The following CTNNA3 variants were observed in gnomAD, a reference collection of about 807,000 sequenced individuals.
CTNNA3 encodes catenin alpha-3.
A neutral mutation model predicts 95.7 loss-of-function variants in CTNNA3; 76 were observed. That is an observed-to-expected ratio of 0.79 (90% confidence interval 0.66 to 0.96). The LOEUF is 0.96. Ranked by LOEUF, CTNNA3 falls within the 40% of genes least tolerant of loss-of-function variation. The probability of loss-of-function intolerance (pLI) is 0.00; values close to 1 mark genes in which losing one functional copy is unlikely to be tolerated. For synonymous variants in CTNNA3, 431 were observed against 374.4 expected, an observed-to-expected ratio of 1.15 and a Z score of -1.74; for missense variants, 1,191 against 1,089.8, an observed-to-expected ratio of 1.09 and a Z score of -1.31.
chr10:67,036,604 C>T (rs1854078143), intron 7 of CTNNA3, among the ~76,000 whole-genome samples: 1 of 152,112 alleles, frequency 6.6e-6, no homozygotes, highest in African/African-American at 2.4e-5. Context: ...ATCTTAAGCT[C>T]AAGTGATCAT....
chr10:66,449,541 A>AT (rs2093448438), intron 11 of CTNNA3, among the ~76,000 whole-genome samples: 1 of 152,162 alleles, frequency 6.6e-6, no homozygotes. Context: ...AGCTTCATAA[A>AT]TAATGTTAGT....
Position 66,976,276 on chromosome 10 carries a change from A to G in CTNNA3, c.1048-200752T>C, listed in dbSNP as rs1053941573. ...TGGAATGGCGGCACTAATATAGGGAATCAGGGACGATACCCCTGTAAAAGG... is the reference window on the plus strand; with the variant it reads ...TGGAATGGCGGCACTAATATAGGGAGTCAGGGACGATACCCCTGTAAAAGG... On this transcript the variant is annotated intron_variant, in intron 7 of 17. Transcript: ENST00000433211. Among the ~76,000 whole-genome samples the G allele has an allele frequency of 4.1e-4, 63 of 152,312 alleles. 1 individual carries two copies. The highest frequency in any genetic ancestry group is 1.4e-3 in the African/African-American group (57 of 41,580).
At chr10:66,610,013 C>T (rs1280942262) in intron 10 of CTNNA3, among the ~76,000 whole-genome samples, 1 of 152,096 alleles carries the variant, frequency 6.6e-6, no homozygotes, top group Non-Finnish European at 1.5e-5. Context: ...AAGCCAAATA[C>T]TTCATGTTCT....
At chr10:67,040,413 G>T (rs1372241667) in intron 7 of CTNNA3, among the ~76,000 whole-genome samples, 1 of 151,994 alleles carries the variant, frequency 6.6e-6, no homozygotes, top group Non-Finnish European at 1.5e-5. Flanking sequence ...ACTGCACAAA[G>T]GTCAAACAAT....
chr10:67,415,885 A>T (rs2132851901), intron 5 of CTNNA3, among the ~76,000 whole-genome samples: 2 of 152,314 alleles, frequency 1.3e-5, no homozygotes, highest in South Asian at 4.1e-4. Flanking sequence ...TGACAAAAAT[A>T]AGCAATGGGG....
chr10:67,214,344 A>G (rs1299383397), intron 6 of CTNNA3, among the ~76,000 whole-genome samples: 1 of 151,756 alleles, frequency 6.6e-6, no homozygotes, highest in Non-Finnish European at 1.5e-5. Context: ...GCTTATTAAG[A>G]TAAATGCCTA....
intron 9 of CTNNA3, among the ~76,000 whole-genome samples, chr10:66,665,587 G>T (rs1016268738): frequency 6.6e-6 from 1 of 152,014 alleles, no homozygotes; most frequent in Non-Finnish European, 1.5e-5. Context: ...GTCAATTGAT[G>T]GATTCTTATA....
At chr10:66,400,318 T>A (rs1471189360) in intron 11 of CTNNA3, among the ~76,000 whole-genome samples, 1 of 152,098 alleles carries the variant, frequency 6.6e-6, no homozygotes, top group East Asian at 1.9e-4. Context: ...GAACATGAGA[T>A]AATTAGTAAT....
intron 11 of CTNNA3, among the ~76,000 whole-genome samples, chr10:66,468,721 T>C (rs1174525726): frequency 6.6e-6 from 1 of 151,936 alleles, no homozygotes; most frequent in Non-Finnish European, 1.5e-5. Flanking sequence ...AAACATCATG[T>C]TATATACTGT....
intron 6 of CTNNA3, among the ~76,000 whole-genome samples, chr10:67,193,109 G>A (rs1032210627): frequency 1.3e-5 from 2 of 152,050 alleles, no homozygotes; most frequent in South Asian, 2.1e-4. Flanking sequence ...ACAGATGAGA[G>A]GGTGTGGGAA....
intron 13 of CTNNA3, among the ~76,000 whole-genome samples, chr10:66,266,831 C>G (rs2091171087): frequency 1.3e-5 from 2 of 152,102 alleles, no homozygotes; most frequent in African/African-American, 2.4e-5. Flanking sequence ...ACCTGTATCA[C>G]TCTTCTGAAG....
intron 10 of CTNNA3, among the ~76,000 whole-genome samples, chr10:66,567,680 G>T (rs1284916583): frequency 1.3e-5 from 2 of 152,064 alleles, no homozygotes; most frequent in East Asian, 3.9e-4. Context: ...CCTTAACAGC[G>T]AAGGGCTTCA....
chr10:66,928,111 G>A, intron 7 of CTNNA3: 1 of 1,614,082 alleles, frequency 6.2e-7, no homozygotes, highest in East Asian at 2.2e-5. Context: ...GCCCCCGACG[G>A]TGGGAGCCAC....
chr10:67,705,373 C>G (rs1389268791), intron 1 of CTNNA3, among the ~76,000 whole-genome samples: 1 of 151,244 alleles, frequency 6.6e-6, no homozygotes, highest in Non-Finnish European at 1.5e-5. Flanking sequence ...GACTTGGAAC[C>G]AACCCAAATG....
At chr10:66,115,695 T>C (rs1779347385) in intron 13 of CTNNA3, among the ~76,000 whole-genome samples, 1 of 152,108 alleles carries the variant, frequency 6.6e-6, no homozygotes, top group Non-Finnish European at 1.5e-5. Flanking sequence ...AGGTATAGTA[T>C]CAACAATCCT....
intron 11 of CTNNA3, among the ~76,000 whole-genome samples, chr10:66,483,633 TAG>T (rs1839620987): frequency 6.6e-6 from 1 of 152,088 alleles, no homozygotes; most frequent in African/African-American, 2.4e-5. Flanking sequence ...CTTTGAGAGA[TAG>T]AGATGTAATG....
At chr10:67,425,364 C>G (rs1164754646) in intron 5 of CTNNA3, among the ~76,000 whole-genome samples, 2 of 151,898 alleles carry the variant, frequency 1.3e-5, no homozygotes, top group Non-Finnish European at 1.5e-5. Flanking sequence ...TGCTGGAGCA[C>G]AATGCAGCAG....
chr10:67,206,927 T>C (rs900691236), intron 6 of CTNNA3, among the ~76,000 whole-genome samples: 2 of 152,040 alleles, frequency 1.3e-5, no homozygotes, highest in Non-Finnish European at 2.9e-5. Context: ...GGTCAGGCGT[T>C]CGAGACCAGC....
intron 9 of CTNNA3, among the ~76,000 whole-genome samples, chr10:66,737,121 TG>T (rs765267110): frequency 6.3e-4 from 96 of 151,832 alleles, no homozygotes; most frequent in Admixed American, 1.4e-3. Context: ...AACAAATTTA[TG>T]AAAAATACAA....
Sources: allele counts gnomAD v4.1 joint callset (sites outside exome capture counted in the v4.1 genomes callset), GRCh38; gene constraint gnomAD v4.1.1; transcripts MANE v1.5; gene names NCBI Gene and HGNC (gene_info 2026-07-23, HGNC 2026-07-21).